The following EPHA5 variants were observed in gnomAD, a reference collection of about 807,000 sequenced individuals.
The protein encoded by EPHA5 is EPH receptor A5.
In EPHA5, 60 loss-of-function variants were observed where a neutral mutation model predicts 105.0. The ratio of observed to expected loss-of-function variants is 0.57; its 90% CI spans 0.46 to 0.71. The LOEUF (loss-of-function observed/expected upper bound fraction) is 0.71. Ranked by LOEUF, EPHA5 falls within the 30% of genes least tolerant of loss-of-function variation. The pLI is 0.00. For missense variants in EPHA5, 1,218 were observed against 1,274.7 expected (o/e 0.96, Z 0.68); for synonymous variants, 513 against 449.1 (o/e 1.14, Z -1.80).
At chr4:65,643,902 A>C (rs4618366) in intron 1 of EPHA5, among the ~76,000 whole-genome samples, 88,106 of 151,694 alleles carry the variant, frequency 0.58, 25,724 homozygotes, top group Middle Eastern at 0.69. Flanking sequence ...TATTCCCAAG[A>C]TTGTAACATT....
intron 2 of EPHA5, among the ~76,000 whole-genome samples, chr4:65,642,294 C>A (rs552847144): frequency 1.3e-5 from 2 of 151,606 alleles, no homozygotes; most frequent in Non-Finnish European, 2.9e-5. Flanking sequence ...CTGTATGGAG[C>A]GATGATAGAT....
chr4:65,439,110 C>T (rs1261856936), intron 5 of EPHA5, among the ~76,000 whole-genome samples: 1 of 152,096 alleles, frequency 6.6e-6, no homozygotes, highest in Non-Finnish European at 1.5e-5. Flanking sequence ...AAAACTACAA[C>T]TAGCAGTGCA....
intron 8 of EPHA5, among the ~76,000 whole-genome samples, chr4:65,384,860 A>G (rs1420213484): frequency 6.6e-6 from 1 of 151,924 alleles, no homozygotes; most frequent in East Asian, 2.0e-4. Context: ...CTCCTGCAGA[A>G]CGATGCCTAC....
chr4:65,654,404 G>A (rs143586345), intron 1 of EPHA5, among the ~76,000 whole-genome samples: 62 of 151,746 alleles, frequency 4.1e-4, no homozygotes, highest in African/African-American at 1.4e-3. Flanking sequence ...CTACAATGAG[G>A]GTTCATTCAT....
intron 8 of EPHA5, chr4:65,376,872 G>T: frequency 1.5e-6 from 1 of 664,580 alleles, no homozygotes; most frequent in Non-Finnish European, 2.4e-6. Flanking sequence ...TCACTTGTTA[G>T]GATTCACCTT....
At chr4:65,505,057 C>T (rs920446881) in intron 3 of EPHA5, among the ~76,000 whole-genome samples, 1 of 151,872 alleles carries the variant, frequency 6.6e-6, no homozygotes, top group Non-Finnish European at 1.5e-5. Context: ...TGTCTATGTG[C>T]AAAACATTTT....
In EPHA5 at chr4:65,323,521, T is replaced by G. The variant is rs536793815; in HGVS notation, c.*593A>C. 136 of 230,168 alleles carry G rather than the reference T, an allele frequency of 5.9e-4. 2 individuals carry two copies. The South Asian group carries it at 0.011, about 19-fold the overall frequency. The allele number at this position is 230,168 out of a possible 1,614,324, so 14.3% of individuals were successfully genotyped here. A position where few individuals can be genotyped will look rare whatever the true frequency, so the allele number is the denominator to read the frequency against. On this transcript the variant is annotated 3_prime_UTR_variant, in exon 17 of 17. Coordinates refer to ENST00000613740, the MANE Select transcript of EPHA5 (RefSeq NM_001281766.3). Reference sequence around the variant, plus strand: ...TAACACAAAAAATAAATATACACCCTGTATTGTACTTTTTCTTGATCAAGC... The same window carrying G: ...TAACACAAAAAATAAATATACACCCGGTATTGTACTTTTTCTTGATCAAGC...
chr4:65,598,496 A>G (rs1005485916), intron 3 of EPHA5, among the ~76,000 whole-genome samples: 1 of 152,240 alleles, frequency 6.6e-6, no homozygotes, highest in East Asian at 1.9e-4. Flanking sequence ...TCATCCCTTA[A>G]GTTAAGGAGT....
At chr4:65,420,974 T>A (rs1465384076) in intron 5 of EPHA5, among the ~76,000 whole-genome samples, 1 of 152,064 alleles carries the variant, frequency 6.6e-6, no homozygotes, top group Non-Finnish European at 1.5e-5. Flanking sequence ...AAACTCTCTT[T>A]TATAATTTAT....
At chr4:65,545,381 G>T (rs1453634527) in intron 3 of EPHA5, among the ~76,000 whole-genome samples, 1 of 149,794 alleles carries the variant, frequency 6.7e-6, no homozygotes, top group Non-Finnish European at 1.5e-5. Flanking sequence ...TCCCAATGAG[G>T]TATCTATGAA....
chr4:65,388,444 AG>A (rs2148948896), intron 8 of EPHA5, among the ~76,000 whole-genome samples: 1 of 150,330 alleles, frequency 6.7e-6, no homozygotes, highest in Non-Finnish European at 1.5e-5. Flanking sequence ...ACAGTGTAAA[AG>A]TGTTCCTATT....
At chr4:65,503,029 A>C (rs190118700) in intron 3 of EPHA5, among the ~76,000 whole-genome samples, 60 of 151,826 alleles carry the variant, frequency 4.0e-4, no homozygotes, top group Non-Finnish European at 7.4e-4. Context: ...AACCAAATAC[A>C]ACATATTCTC....
chr4:65,418,284 G>A (rs1399894119), intron 6 of EPHA5, among the ~76,000 whole-genome samples: 1 of 152,090 alleles, frequency 6.6e-6, no homozygotes, highest in African/African-American at 2.4e-5. Flanking sequence ...ACTTGAATAA[G>A]AAATATAAAC....
At chr4:65,621,851 A>G (rs1316862374) in intron 2 of EPHA5, among the ~76,000 whole-genome samples, 1 of 152,006 alleles carries the variant, frequency 6.6e-6, no homozygotes, top group Non-Finnish European at 1.5e-5. Flanking sequence ...ATCCCTACGT[A>G]TGTCTGTGTG....
chr4:65,609,733 A>C (rs544861237), intron 2 of EPHA5, among the ~76,000 whole-genome samples: 12 of 152,092 alleles, frequency 7.9e-5, no homozygotes, highest in African/African-American at 2.7e-4. Flanking sequence ...ATCCAAGTGC[A>C]GAAGCAATAA....
intron 13 of EPHA5, among the ~76,000 whole-genome samples, chr4:65,350,108 A>G (rs1722670471): frequency 6.6e-6 from 1 of 152,094 alleles, no homozygotes. Flanking sequence ...ACACCCACCA[A>G]TCACACTGGC....
chr4:65,406,508 T>G (rs1478301136), intron 7 of EPHA5, among the ~76,000 whole-genome samples: 3 of 152,116 alleles, frequency 2.0e-5, no homozygotes, highest in Admixed American at 6.6e-5. Flanking sequence ...TGGCTTCATA[T>G]TCTCTTCCCA....
At chr4:65,450,296 T>G (rs1560548984) in intron 5 of EPHA5, among the ~76,000 whole-genome samples, 1 of 152,146 alleles carries the variant, frequency 6.6e-6, no homozygotes, top group Non-Finnish European at 1.5e-5. Context: ...AGCAAATGAG[T>G]GGAAATGTTT....
At chr4:65,585,861 G>A (rs931225190) in intron 3 of EPHA5, among the ~76,000 whole-genome samples, 3 of 151,412 alleles carry the variant, frequency 2.0e-5, no homozygotes, top group African/African-American at 7.3e-5. Context: ...TCCTTTTCAA[G>A]TTTTATTGTA....
Sources: gnomAD v4.1 joint callset for allele counts (sites outside exome capture counted in the v4.1 genomes callset) on GRCh38, gnomAD v4.1.1 for gene constraint, MANE v1.5 for transcripts, NCBI Gene and HGNC (gene_info 2026-07-23, HGNC 2026-07-21) for gene names.